The following ZFPM2 variants were observed in gnomAD, a reference collection of about 807,000 sequenced individuals.
The protein encoded by ZFPM2 is zinc finger protein ZFPM2.
A neutral mutation model predicts 98.6 loss-of-function variants in ZFPM2; 20 were observed. The observed-to-expected ratio is 0.20, with a 90% CI of 0.14 to 0.29. The LOEUF (loss-of-function observed/expected upper bound fraction) is 0.29, where lower values mean the gene tolerates loss of function less well. Among genes scored for constraint, ZFPM2 ranks in the 10% least tolerant of loss-of-function variants. The pLI is 1.00. For missense variants in ZFPM2, 1,310 were observed against 1,388.6 expected, an observed-to-expected ratio of 0.94 and a Z score of 0.90; for synonymous variants, 518 against 502.7, an observed-to-expected ratio of 1.03 and a Z score of -0.41.
In ZFPM2 at chr8:105,452,713, C is replaced by T. The variant is rs1435418400; in HGVS notation, c.301+8332C>T. On this transcript the variant is annotated intron_variant, in intron 3 of 7. Transcript: ENST00000407775. ...GCTATAGTTAGCTGTGATCCTGCTACTGCACTCCAGCCTGAGCAACAGAAT... is the reference window on the plus strand; with the variant it reads ...GCTATAGTTAGCTGTGATCCTGCTATTGCACTCCAGCCTGAGCAACAGAAT... Among the ~76,000 whole-genome samples, 4 of 152,262 alleles carry T rather than the reference C, an allele frequency of 2.6e-5. No homozygotes were observed. In the East Asian group the frequency reaches 7.7e-4, roughly 29 times the overall value.
chr8:105,801,547 G>A lies in ZFPM2; in HGVS notation c.1465G>A (p.Gly489Arg). The A allele has an allele frequency of 6.2e-7, 1 of 1,613,760 alleles. No homozygotes were observed. The change falls in exon 8 of 8, where the codon GGG becomes AGG. Residue 489 changes from glycine to arginine, a missense_variant. Physicochemically the swap from Gly to Arg is moderately radical, Grantham distance 125. Coordinates refer to ENST00000407775, the MANE Select transcript of ZFPM2 (RefSeq NM_012082.4). The part of the protein sequence containing the change: ...LASSPVQPNI[G>R]PSFPVGPFLS... ...CTCATCTCCAGTTCAGCCTAATATT[G>A]GGCCTTCTTTCCCTGTGGGCCCTTT...
At chr8:105,755,604 T>G (rs1812579934) in intron 5 of ZFPM2, among the ~76,000 whole-genome samples, 1 of 152,166 alleles carries the variant, frequency 6.6e-6, no homozygotes, top group South Asian at 2.1e-4. Context: ...CAATTTCAAT[T>G]AGCTCTAAAA....
chr8:105,482,777 A>G lies in ZFPM2; in HGVS notation c.301+38396A>G, dbSNP rs554057093. 5.3e-5 allele frequency among the ~76,000 whole-genome samples: 8 copies of G among 152,280 alleles called. No individual in the cohort carries two copies. In the South Asian group the frequency reaches 1.7e-3, roughly 32 times the overall value. On this transcript the variant is annotated intron_variant, in intron 3 of 7. Coordinates refer to ENST00000407775, the MANE Select transcript of ZFPM2 (RefSeq NM_012082.4). ...TTTAGAAATTTGCAATTATTGTATTACATGTGAAATATTTATTTAGATGCA... is the reference window on the plus strand; with the variant it reads ...TTTAGAAATTTGCAATTATTGTATTGCATGTGAAATATTTATTTAGATGCA...
intron 1 of ZFPM2, among the ~76,000 whole-genome samples, chr8:105,331,518 G>C (rs1812233818): frequency 6.6e-6 from 1 of 151,652 alleles, no homozygotes; most frequent in Non-Finnish European, 1.5e-5. Flanking sequence ...ACTTTATGTA[G>C]AGAAATAATC....
intron 5 of ZFPM2, among the ~76,000 whole-genome samples, chr8:105,766,433 C>A (rs910454189): frequency 3.3e-5 from 5 of 151,866 alleles, no homozygotes; most frequent in Non-Finnish European, 5.9e-5. Context: ...TGGAGAGCCA[C>A]TCAAAGATCT....
intron 4 of ZFPM2, among the ~76,000 whole-genome samples, chr8:105,580,173 CCAAA>C (rs1815558566): frequency 1.3e-5 from 2 of 152,224 alleles, no homozygotes; most frequent in South Asian, 4.1e-4. Flanking sequence ...AGGACTGGCA[CCAAA>C]CATAAAGATA....
At chr8:105,514,950 T>C (rs1586428965) in intron 3 of ZFPM2, among the ~76,000 whole-genome samples, 1 of 152,160 alleles carries the variant, frequency 6.6e-6, no homozygotes, top group Non-Finnish European at 1.5e-5. Flanking sequence ...GGCTTTCTGT[T>C]AGAGGTACAT....
At chr8:105,330,617 T>TATATAC (rs1554595025) in intron 1 of ZFPM2, among the ~76,000 whole-genome samples, 2 of 58,870 alleles carry the variant, frequency 3.4e-5, no homozygotes, top group African/African-American at 1.0e-4. Flanking sequence ...TATACACATA[T>TATATAC]ATATATATAT....
At position 105,631,388 on chromosome 8, in the gene ZFPM2, A is replaced by T. The variant is rs187673062; in HGVS notation, c.421-2858A>T. Among the ~76,000 whole-genome samples the T allele has an allele frequency of 1.2e-4, 18 of 152,306 alleles. No homozygotes were observed. The South Asian group carries it at 1.7e-3, about 14-fold the overall frequency. On this transcript the variant is annotated intron_variant, in intron 4 of 7. Transcript: ENST00000407775. ...ACTTTTCTAGTGCTTTCTACATAGC[A>T]AAAAGAGTGCTAAAGGCTTCATAAG...
At chr8:105,365,831 C>T (rs935533977) in intron 1 of ZFPM2, among the ~76,000 whole-genome samples, 5 of 152,040 alleles carry the variant, frequency 3.3e-5, no homozygotes, top group East Asian at 3.9e-4. Context: ...TCAGTTTGTT[C>T]GGAAATTTGC....
rs533395254 is a variant in ZFPM2, at chr8:105,544,325, T to C, written c.302-17038T>C. 2.6e-5 allele frequency among the ~76,000 whole-genome samples: 4 copies of C among 152,240 alleles called. No homozygotes were observed. The East Asian group carries it at 7.7e-4, about 29-fold the overall frequency. On this transcript the variant is annotated intron_variant, in intron 3 of 7. Transcript: ENST00000407775. ...TAACAGTATTCTACATGAGGTCAGG[T>C]GCGCATTGCCATGATTTGTAATTGG...
At chr8:105,580,364 A>G (rs1309486095) in intron 4 of ZFPM2, among the ~76,000 whole-genome samples, 1 of 152,188 alleles carries the variant, frequency 6.6e-6, no homozygotes, top group African/African-American at 2.4e-5. Context: ...TCAAAATTAA[A>G]GTTTTCTACT....
chr8:105,330,372 T>C (rs1013663716), intron 1 of ZFPM2, among the ~76,000 whole-genome samples: 14 of 150,880 alleles, frequency 9.3e-5, no homozygotes, highest in Non-Finnish European at 1.6e-4. Flanking sequence ...CTGAAAACAC[T>C]TGTGCCAGAA....
Position 105,380,793 on chromosome 8 carries a change from ATT to A in ZFPM2, c.41-38350_41-38349del, listed in dbSNP as rs1563631230. Among the ~76,000 whole-genome samples, 2 of 30,292 alleles carry A rather than the reference ATT, an allele frequency of 6.6e-5. 1 individual carries two copies. The highest frequency in any genetic ancestry group is 2.5e-4 in the African/African-American group (2 of 7,950). The allele number at this position is 30,292 out of a possible 152,430, so 19.9% of individuals were successfully genotyped here. A position where few individuals can be genotyped will look rare whatever the true frequency, so the allele number is the denominator to read the frequency against. On this transcript the variant is annotated intron_variant, in intron 1 of 7. Coordinates refer to ENST00000407775, the MANE Select transcript of ZFPM2 (RefSeq NM_012082.4). ...TATATACACATATATGTGTATATAT[ATT>A]ATATATGTTATATATAATATATATA... is the stretch of plus-strand genomic sequence containing the variant.
At chr8:105,362,411 T>C (rs1014667030) in intron 1 of ZFPM2, among the ~76,000 whole-genome samples, 1 of 152,064 alleles carries the variant, frequency 6.6e-6, no homozygotes, top group Non-Finnish European at 1.5e-5. Flanking sequence ...GTGTTATGTC[T>C]GACGCCTACT....
At chr8:105,640,108 C>CCATTTTACA (rs1816922756) in intron 5 of ZFPM2, among the ~76,000 whole-genome samples, 1 of 151,856 alleles carries the variant, frequency 6.6e-6, no homozygotes, top group Non-Finnish European at 1.5e-5. Context: ...AGTGCTTTTC[C>CCATTTTACA]CATTTTACAG....
chr8:105,351,299 A>G (rs1259223885), intron 1 of ZFPM2, among the ~76,000 whole-genome samples: 1 of 151,998 alleles, frequency 6.6e-6, no homozygotes, highest in African/African-American at 2.4e-5. Flanking sequence ...TACTATGTAA[A>G]TAGTTGCTAT....
intron 1 of ZFPM2, among the ~76,000 whole-genome samples, chr8:105,356,930 C>G (rs1221893175): frequency 6.6e-6 from 1 of 152,168 alleles, no homozygotes; most frequent in Non-Finnish European, 1.5e-5. Context: ...AAACAATTAA[C>G]AGCATGTCAT....
At position 105,744,995 on chromosome 8, in the gene ZFPM2, C is replaced by T. The variant is rs374175644; in HGVS notation, c.533-43723C>T. On this transcript the variant is annotated intron_variant, in intron 5 of 7. Coordinates refer to ENST00000407775, the MANE Select transcript of ZFPM2 (RefSeq NM_012082.4). ...GCAGGAGCAGTAACGGTTATAGAAA[C>T]GCTATATCTTCTGCATTCATAGAAT... Among the ~76,000 whole-genome samples the T allele has an allele frequency of 6.6e-5, 10 of 152,240 alleles. No homozygotes were observed. In the South Asian group the frequency reaches 8.3e-4, roughly 13 times the overall value.
Sources: allele counts gnomAD v4.1 joint callset (sites outside exome capture counted in the v4.1 genomes callset), GRCh38; gene constraint gnomAD v4.1.1; transcripts MANE v1.5; gene names NCBI Gene and HGNC (gene_info 2026-07-23, HGNC 2026-07-21).